PPP2R2B: variants seen among roughly 807,000 people sequenced by gnomAD.
PPP2R2B encodes the protein protein phosphatase 2 regulatory subunit Bbeta, also known as serine/threonine-protein phosphatase 2A 55 kDa regulatory subunit B beta isoform.
PPP2R2B carries 5 observed loss-of-function variants against 46.0 expected under a neutral mutation model. The ratio of observed to expected loss-of-function variants is 0.11; its 90% CI spans 0.06 to 0.23. The LOEUF (loss-of-function observed/expected upper bound fraction) is 0.23. Ranked by LOEUF, PPP2R2B falls within the 10% of genes least tolerant of loss-of-function variation. The pLI is 1.00. For synonymous variants in PPP2R2B, 215 were observed against 206.7 expected, an observed-to-expected ratio of 1.04 and a Z score of -0.34; for missense variants, 367 against 575.0, an observed-to-expected ratio of 0.64 and a Z score of 3.70.
At chr5:146,673,818 G>A (rs1777529653) in intron 5 of PPP2R2B, among the ~76,000 whole-genome samples, 1 of 152,146 alleles carries the variant, frequency 6.6e-6, no homozygotes, top group Non-Finnish European at 1.5e-5. Flanking sequence ...ATTAGAGGTT[G>A]AACTCACTTA....
Position 146,694,727 on chromosome 5 carries a change from TTAAAA to T in PPP2R2B, c.334+3247_334+3251del, listed in dbSNP as rs543700851. Among the ~76,000 whole-genome samples, 5 of 152,166 alleles carry T rather than the reference TTAAAA, an allele frequency of 3.3e-5. No individual in the cohort carries two copies. The South Asian group carries it at 8.3e-4, about 25-fold the overall frequency. ...ATACAAGCGATACATGGAATGTTTATTAAAATAATCATAAAGGTAAAAAAACTCCC... is the reference window on the plus strand; with the variant it reads ...ATACAAGCGATACATGGAATGTTTATTAATCATAAAGGTAAAAAAACTCCC... On this transcript the variant is annotated intron_variant, in intron 4 of 9. Coordinates refer to ENST00000394411, the MANE Select transcript of PPP2R2B (RefSeq NM_181675.4).
intron 1 of PPP2R2B, among the ~76,000 whole-genome samples, chr5:146,930,146 T>G (rs572074254): frequency 7.2e-4 from 110 of 152,210 alleles, no homozygotes; most frequent in Non-Finnish European, 3.2e-4. Flanking sequence ...AAGAGTGGAA[T>G]GGAGGGCCGC....
intron 6 of PPP2R2B, among the ~76,000 whole-genome samples, chr5:146,644,442 A>G (rs1173823775): frequency 6.6e-6 from 1 of 152,136 alleles, no homozygotes; most frequent in Non-Finnish European, 1.5e-5. Context: ...TGGTCATTTT[A>G]TTTTCCCCAA....
intron 2 of PPP2R2B, among the ~76,000 whole-genome samples, chr5:146,865,377 T>A (rs957981800): frequency 5.3e-5 from 8 of 152,182 alleles, no homozygotes; most frequent in African/African-American, 1.9e-4. Flanking sequence ...ATAATGACTG[T>A]CTCTGGCACA....
chr5:146,615,997 G>C (rs1349063847), intron 7 of PPP2R2B, among the ~76,000 whole-genome samples: 1 of 152,198 alleles, frequency 6.6e-6, no homozygotes, highest in African/African-American at 2.4e-5. Context: ...ATACTACAGA[G>C]TTACAGTAAC....
chr5:146,885,650 C>T (rs1159904753), intron 1 of PPP2R2B, among the ~76,000 whole-genome samples: 2 of 152,136 alleles, frequency 1.3e-5, no homozygotes, highest in Non-Finnish European at 2.9e-5. Context: ...GCACGTGTTC[C>T]CACCAAAACT....
intron 1 of PPP2R2B, among the ~76,000 whole-genome samples, chr5:147,024,153 CTCTA>C (rs57080635): frequency 0.046 from 6,748 of 145,586 alleles, 174 homozygotes; most frequent in African/African-American, 0.063. Flanking sequence ...AAATCCCCTC[CTCTA>C]TCTATCTATC....
At chr5:146,935,786 G>C (rs1008047450) in intron 1 of PPP2R2B, among the ~76,000 whole-genome samples, 77 of 152,266 alleles carry the variant, frequency 5.1e-4, no homozygotes, top group African/African-American at 1.8e-3. Flanking sequence ...CATGGCTAGA[G>C]GAGGGAGCAT....
chr5:147,034,473 A>G (rs1290317599), intron 1 of PPP2R2B, among the ~76,000 whole-genome samples: 2 of 152,202 alleles, frequency 1.3e-5, no homozygotes, highest in African/African-American at 4.8e-5. Flanking sequence ...GGAATATCGC[A>G]GTGAATGACA....
At chr5:146,900,712 C>T (rs1762806872) in intron 1 of PPP2R2B, among the ~76,000 whole-genome samples, 2 of 151,794 alleles carry the variant, frequency 1.3e-5, no homozygotes, top group Non-Finnish European at 1.5e-5. Flanking sequence ...CGGTGATTTG[C>T]TGTGCCCATC....
chr5:146,875,840 C>G (rs1052807702), intron 2 of PPP2R2B, among the ~76,000 whole-genome samples: 4 of 152,142 alleles, frequency 2.6e-5, no homozygotes, highest in African/African-American at 9.7e-5. Context: ...GGTGCTTTTT[C>G]AAGGTATACT....
chr5:146,671,693 G>C (rs1777385686), intron 5 of PPP2R2B, among the ~76,000 whole-genome samples: 1 of 152,174 alleles, frequency 6.6e-6, no homozygotes, highest in African/African-American at 2.4e-5. Flanking sequence ...GCTGTAAAAG[G>C]AGACATTATA....
intron 1 of PPP2R2B, among the ~76,000 whole-genome samples, chr5:146,917,142 G>C (rs1341185861): frequency 6.6e-6 from 1 of 152,156 alleles, no homozygotes; most frequent in Non-Finnish European, 1.5e-5. Flanking sequence ...CTCTTCCTTT[G>C]AGTCTATTTG....
chr5:146,666,054 T>C (rs1776963578), intron 5 of PPP2R2B, among the ~76,000 whole-genome samples: 2 of 152,214 alleles, frequency 1.3e-5, no homozygotes, highest in South Asian at 4.1e-4. Context: ...TATTGTAGCA[T>C]TGTTAGTTAT....
chr5:146,822,889 C>T lies in PPP2R2B; in HGVS notation c.70+55113G>A, dbSNP rs796277687. Among the ~76,000 whole-genome samples, 96 of 152,260 alleles carry T rather than the reference C, an allele frequency of 6.3e-4. 1 individual carries two copies. Among genetic ancestry groups the T allele is most frequent in the African/African-American group, 2.3e-3 (96 of 41,560 alleles). On this transcript the variant is annotated intron_variant, in intron 2 of 9. Transcript: ENST00000394411. ...TTGTCATCTAGATTTATATAACCTCCTTAAAACTAAAAGCAATGCAGTCCC... is the reference window on the plus strand; with the variant it reads ...TTGTCATCTAGATTTATATAACCTCTTTAAAACTAAAAGCAATGCAGTCCC...
chr5:146,759,228 C>A (rs1165556181), intron 2 of PPP2R2B, among the ~76,000 whole-genome samples: 1 of 152,148 alleles, frequency 6.6e-6, no homozygotes, highest in Non-Finnish European at 1.5e-5. Flanking sequence ...TTAAGAACCA[C>A]CAGACTAATA....
chr5:146,870,449 C>A (rs370242403), intron 2 of PPP2R2B, among the ~76,000 whole-genome samples: 2 of 152,178 alleles, frequency 1.3e-5, no homozygotes, highest in African/African-American at 2.4e-5. Flanking sequence ...TATGAGGACC[C>A]AGCAAGAAGT....
At chr5:146,898,871 G>A (rs1347299336) in intron 1 of PPP2R2B, among the ~76,000 whole-genome samples, 32 of 139,826 alleles carry the variant, frequency 2.3e-4, no homozygotes, top group African/African-American at 8.1e-4. Flanking sequence ...AACACATGAA[G>A]AAATGCTCAC....
chr5:146,874,042 T>C lies in PPP2R2B; in HGVS notation c.70+3960A>G, dbSNP rs951062797. Among the ~76,000 whole-genome samples, 4 of 152,376 alleles carry C rather than the reference T, an allele frequency of 2.6e-5. No individual in the cohort carries two copies. In the East Asian group the frequency reaches 7.7e-4, roughly 29 times the overall value. Reference sequence around the variant, plus strand: ...GTCTTGTTAATTGCAAATTCATCCTTTAGTTCTCAGTTTCAGCTGTCTGAG... The same window carrying C: ...GTCTTGTTAATTGCAAATTCATCCTCTAGTTCTCAGTTTCAGCTGTCTGAG... On this transcript the variant is annotated intron_variant, in intron 2 of 9. Transcript: ENST00000394411.
Sources: allele counts gnomAD v4.1 joint callset (sites outside exome capture counted in the v4.1 genomes callset), GRCh38; gene constraint gnomAD v4.1.1; transcripts MANE v1.5; gene names NCBI Gene and HGNC (gene_info 2026-07-23, HGNC 2026-07-21).